Variants in SORBS2 observed in about 807,000 individuals in gnomAD.
SORBS2 encodes sorbin and SH3 domain-containing protein 2.
Under a neutral mutation model 97.7 loss-of-function variants are expected in SORBS2, and 46 were observed. That is an observed-to-expected ratio of 0.47 (90% CI 0.37 to 0.60). The LOEUF (loss-of-function observed/expected upper bound fraction) is 0.60, where lower values mean the gene tolerates loss of function less well. Ranked by LOEUF, SORBS2 falls within the 20% of genes least tolerant of loss-of-function variation. SORBS2 has a pLI of 0.00. For missense variants in SORBS2, 1,316 were observed against 1,282.3 expected (o/e 1.03, Z -0.40); for synonymous variants, 476 against 473.4 (o/e 1.01, Z -0.07).
At chr4:185,602,323 T>C (rs1355879182) in intron 12 of SORBS2, among the ~76,000 whole-genome samples, 1 of 152,138 alleles carries the variant, frequency 6.6e-6, no homozygotes, top group African/African-American at 2.4e-5. Flanking sequence ...ATACTATTTT[T>C]TGTTATGAAA....
intron 12 of SORBS2, among the ~76,000 whole-genome samples, chr4:185,605,625 C>T (rs28436133): frequency 0.057 from 8,590 of 151,814 alleles, 847 homozygotes; most frequent in African/African-American, 0.19. Context: ...CGCTCTGTCA[C>T]CCAGGCTGGA....
chr4:185,917,763 G>GA (rs2099258954), intron 1 of SORBS2, among the ~76,000 whole-genome samples: 2 of 152,108 alleles, frequency 1.3e-5, no homozygotes, highest in African/African-American at 4.8e-5. Flanking sequence ...GACAGCATCA[G>GA]AATGGTACTG....
intron 2 of SORBS2, among the ~76,000 whole-genome samples, chr4:185,731,339 T>G (rs1211738895): frequency 3.3e-5 from 5 of 152,300 alleles, no homozygotes; most frequent in South Asian, 4.1e-4. Context: ...AAAATATTTA[T>G]AAAATATCTT....
At chr4:185,589,719 G>T (rs773993543) in exon 14 of SORBS2, 10 of 1,612,682 alleles carry the variant, frequency 6.2e-6, no homozygotes, top group Non-Finnish European at 7.6e-6. Flanking sequence ...TGACATCAAT[G>T]ACATCACTTT....
In SORBS2 at chr4:185,835,068, C is replaced by G. The variant is rs868726978; in HGVS notation, c.-337-59702G>C. 2.0e-5 allele frequency among the ~76,000 whole-genome samples: 3 copies of G among 152,156 alleles called. No homozygotes were observed. The South Asian group carries it at 6.2e-4, about 32-fold the overall frequency. On this transcript the variant is annotated intron_variant, in intron 1 of 20. Transcript: ENST00000284776. ...TTTAAAAGTGTGCGGCAGCTCCCCC[C>G]AATCTCTCCCTAAGTCTTGCTCCTG...
intron 4 of SORBS2, among the ~76,000 whole-genome samples, chr4:185,671,359 G>T (rs778982402): frequency 6.6e-5 from 10 of 152,174 alleles, no homozygotes; most frequent in East Asian, 1.9e-4. Flanking sequence ...CAAAATATGG[G>T]ATTTAAAAAT....
intron 1 of SORBS2, among the ~76,000 whole-genome samples, chr4:185,886,071 T>C (rs2099239263): frequency 1.3e-5 from 2 of 152,172 alleles, no homozygotes; most frequent in African/African-American, 2.4e-5. Flanking sequence ...GCAAATACGA[T>C]GTGTTACAGG....
chr4:185,614,150 TTTTTTTGTG>T, intron 11 of SORBS2, among the ~76,000 whole-genome samples: 1 of 142,466 alleles, frequency 7.0e-6, no homozygotes, highest in Non-Finnish European at 1.5e-5. Flanking sequence ...TTTTTGATTG[TTTTTTTGTG>T]TTTTTTTTTT....
At chr4:185,585,924 T>TTAAC (rs2153346341) in exon 15 of SORBS2, 1 of 152,468 alleles carries the variant, frequency 6.6e-6, no homozygotes, top group East Asian at 1.9e-4. Flanking sequence ...CTACGATCTT[T>TTAAC]TAACTTCATA....
intron 1 of SORBS2, among the ~76,000 whole-genome samples, chr4:185,884,717 C>T (rs894566538): frequency 6.6e-6 from 1 of 152,288 alleles, no homozygotes; most frequent in Admixed American, 6.5e-5. Context: ...CTCTCAACTG[C>T]CTTTAGTTCT....
At chr4:185,669,984 T>A (rs1031674828) in intron 4 of SORBS2, among the ~76,000 whole-genome samples, 3 of 152,142 alleles carry the variant, frequency 2.0e-5, no homozygotes, top group African/African-American at 7.2e-5. Flanking sequence ...TTTGGGAGGC[T>A]GAGGCGGGCA....
intron 2 of SORBS2, among the ~76,000 whole-genome samples, chr4:185,759,208 G>A (rs1416321860): frequency 3.9e-5 from 6 of 152,228 alleles, no homozygotes; most frequent in Admixed American, 1.3e-4. Flanking sequence ...AGCCTGCAGA[G>A]GAGATAACAG....
chr4:185,870,191 T>C (rs1313490594), intron 1 of SORBS2, among the ~76,000 whole-genome samples: 2 of 152,216 alleles, frequency 1.3e-5, no homozygotes, highest in Non-Finnish European at 2.9e-5. Context: ...AATGTTATTG[T>C]CGTTATCTAG....
intron 2 of SORBS2, among the ~76,000 whole-genome samples, chr4:185,703,861 T>A (rs1026793140): frequency 2.0e-5 from 3 of 152,194 alleles, no homozygotes; most frequent in African/African-American, 7.2e-5. Context: ...AGAAAAGCAA[T>A]CTGAATTAGG....
chr4:185,910,391 A>T (rs2099254278), intron 1 of SORBS2, among the ~76,000 whole-genome samples: 1 of 152,036 alleles, frequency 6.6e-6, no homozygotes, highest in African/African-American at 2.4e-5. Context: ...TATGAAGTTG[A>T]CTTCATTTTA....
At chr4:185,855,508 A>G (rs997103464) in intron 1 of SORBS2, among the ~76,000 whole-genome samples, 2 of 152,054 alleles carry the variant, frequency 1.3e-5, no homozygotes, top group African/African-American at 4.8e-5. Flanking sequence ...TTTCATTAGG[A>G]GGCTCCTTGG....
At chr4:185,696,145 G>A (rs1317597784) in intron 2 of SORBS2, among the ~76,000 whole-genome samples, 1 of 152,196 alleles carries the variant, frequency 6.6e-6, no homozygotes, top group Admixed American at 6.5e-5. Context: ...ACATGAGGCC[G>A]TTGATAATTT....
intron 2 of SORBS2, among the ~76,000 whole-genome samples, chr4:185,679,864 T>A (rs1157895795): frequency 6.6e-6 from 1 of 152,252 alleles, no homozygotes; most frequent in Non-Finnish European, 1.5e-5. Flanking sequence ...CTTAGAATGA[T>A]AAAAATGGGC....
At chr4:185,855,215 G>T (rs907228906) in intron 1 of SORBS2, among the ~76,000 whole-genome samples, 1 of 152,148 alleles carries the variant, frequency 6.6e-6, no homozygotes, top group Non-Finnish European at 1.5e-5. Context: ...AGTAAGTGAG[G>T]CCTTCCCCTC....
Sources: gnomAD v4.1 joint callset for allele counts (sites outside exome capture counted in the v4.1 genomes callset) on GRCh38, gnomAD v4.1.1 for gene constraint, MANE v1.5 for transcripts, NCBI Gene and HGNC (gene_info 2026-07-23, HGNC 2026-07-21) for gene names.